The following LAMA2 variants were observed in gnomAD, a reference collection of about 807,000 sequenced individuals.
LAMA2 encodes the protein laminin subunit alpha 2.
Under a neutral mutation model 364.8 loss-of-function variants are expected in LAMA2, and 269 were observed. That is an observed-to-expected ratio of 0.74 (90% confidence interval 0.67 to 0.82). The LOEUF is 0.82. Among genes scored for constraint, LAMA2 ranks in the 40% least tolerant of loss-of-function variants. LAMA2 has a pLI of 0.00. For missense variants in LAMA2, 3,807 were observed against 3,873.2 expected (o/e 0.98, Z 0.45); for synonymous variants, 1,379 against 1,370.6 (o/e 1.01, Z -0.14).
chr6:129,223,161 A>C (rs1013749857), intron 12 of LAMA2, among the ~76,000 whole-genome samples: 1 of 152,066 alleles, frequency 6.6e-6, no homozygotes, highest in Middle Eastern at 3.4e-3. Context: ...GTGTCTGTTC[A>C]TATCCTTTGC....
chr6:129,276,456 C>G (rs1788334275), intron 17 of LAMA2, among the ~76,000 whole-genome samples: 1 of 152,052 alleles, frequency 6.6e-6, no homozygotes, highest in Admixed American at 6.6e-5. Flanking sequence ...TATTCTCACA[C>G]ATTGACTTAA....
At position 129,319,142 on chromosome 6, in the gene LAMA2, T is replaced by C. The variant is rs1371643578; in HGVS notation, c.4059-1396T>C. Among the ~76,000 whole-genome samples, 4 of 152,186 alleles carry C rather than the reference T, an allele frequency of 2.6e-5. No individual in the cohort carries two copies. The East Asian group carries it at 7.7e-4, about 29-fold the overall frequency. On this transcript the variant is annotated intron_variant, in intron 27 of 64. Coordinates refer to ENST00000421865, the MANE Select transcript of LAMA2 (RefSeq NM_000426.4). ...CATTATCCTCAGAAAGAAATCAATA[T>C]TATTAGATTATGCGTGATCATTATT...
intron 4 of LAMA2, among the ~76,000 whole-genome samples, chr6:129,121,451 A>C (rs1776801978): frequency 6.6e-6 from 1 of 152,268 alleles, no homozygotes; most frequent in African/African-American, 2.4e-5. Flanking sequence ...CCCATGGATT[A>C]GCAACTTTGT....
chr6:129,429,737 G>A (rs80104633), intron 41 of LAMA2, among the ~76,000 whole-genome samples: 4 of 152,178 alleles, frequency 2.6e-5, no homozygotes, highest in Admixed American at 2.6e-4. Context: ...GCCCAGGGCT[G>A]GGAATAGGGA....
intron 1 of LAMA2, 92 bp downstream of exon 1, chr6:128,883,449 T>G (rs1307552216): frequency 6.5e-7 from 1 of 1,534,126 alleles, no homozygotes; most frequent in Non-Finnish European, 8.8e-7. Context: ...GTCTGTGGAC[T>G]GCCGTCTTGC....
intron 14 of LAMA2, among the ~76,000 whole-genome samples, chr6:129,255,272 G>A (rs1203269076): frequency 2.0e-5 from 3 of 151,752 alleles, no homozygotes; most frequent in Admixed American, 2.0e-4. Flanking sequence ...CAGACATGGT[G>A]GCACGTGTCA....
intron 1 of LAMA2, among the ~76,000 whole-genome samples, chr6:128,954,556 G>A (rs1781026973): frequency 6.6e-6 from 1 of 151,916 alleles, no homozygotes; most frequent in Non-Finnish European, 1.5e-5. Context: ...CATGGCAGTT[G>A]TTTTTATGTG....
chr6:129,119,555 T>G (rs1366466841), intron 4 of LAMA2, among the ~76,000 whole-genome samples: 1 of 151,886 alleles, frequency 6.6e-6, no homozygotes, highest in African/African-American at 2.4e-5. Context: ...ATTAATTATT[T>G]ATTTATTTTT....
intron 22 of LAMA2, 60 bp from the exon 23 acceptor site, chr6:129,312,801 A>C (rs1774310164): frequency 8.5e-7 from 1 of 1,175,528 alleles, no homozygotes; most frequent in South Asian, 1.2e-5. Context: ...TTAGAATTAA[A>C]ATTTTAAGAT....
At chr6:128,914,395 C>T (rs1441700367) in intron 1 of LAMA2, among the ~76,000 whole-genome samples, 19 of 152,144 alleles carry the variant, frequency 1.2e-4, no homozygotes. Context: ...AATCAGCGAA[C>T]AAAATGTAAA....
At chr6:128,891,456 GC>G (rs1455019823) in intron 1 of LAMA2, among the ~76,000 whole-genome samples, 3 of 152,150 alleles carry the variant, frequency 2.0e-5, no homozygotes, top group Admixed American at 2.0e-4. Flanking sequence ...ATTGGATGAG[GC>G]TGAAAGTTTG....
chr6:129,164,495 C>G (rs1779624137), intron 8 of LAMA2, among the ~76,000 whole-genome samples: 1 of 152,156 alleles, frequency 6.6e-6, no homozygotes, highest in Admixed American at 6.5e-5. Context: ...ACACTGGTTT[C>G]TGTTATGTTC....
chr6:128,918,283 TG>T (rs1420234640), intron 1 of LAMA2, among the ~76,000 whole-genome samples: 1 of 152,194 alleles, frequency 6.6e-6, no homozygotes, highest in Admixed American at 6.5e-5. Flanking sequence ...ACTTCTGAAA[TG>T]GATTTTTAGA....
chr6:129,510,441 TA>T (rs750286105), intron 62 of LAMA2, among the ~76,000 whole-genome samples: 5 of 152,148 alleles, frequency 3.3e-5, no homozygotes, highest in Non-Finnish European at 5.9e-5. Context: ...TAATAATTTT[TA>T]AAATCTGCAA....
rs143952524 is a variant in LAMA2, at chr6:129,482,704, A to G, written c.7749+1265A>G. Reference sequence around the variant, plus strand: ...ACAAAATATTCACAAAGAGAACCCAAAGATGTATAACCACGAGTAACTTGG... The same window carrying G: ...ACAAAATATTCACAAAGAGAACCCAGAGATGTATAACCACGAGTAACTTGG... On this transcript the variant is annotated intron_variant, in intron 55 of 64. Transcript: ENST00000421865. Among the ~76,000 whole-genome samples the G allele has an allele frequency of 1.4e-3, 215 of 152,340 alleles. 1 individual carries two copies. The highest frequency in any genetic ancestry group is 5.0e-3 in the African/African-American group (207 of 41,578).
Position 129,507,611 on chromosome 6 carries a change from A to C in LAMA2, c.8826A>C (p.Thr2942=), listed in dbSNP as rs915449092. 1.9e-6 allele frequency: 3 copies of C among 1,614,100 alleles called. No homozygotes were observed. Among genetic ancestry groups the C allele is most frequent in the Non-Finnish European group, 2.5e-6 (3 of 1,180,024 alleles). ...GTTTTGCAAATGCTCAGAGGGGAAC[A>C]TATTTTGACGGAACCGGTTTTGCCA... ...GTCFANAQRG[T]YFDGTGFAKA... is the part of the protein sequence containing the mutation. The change falls in exon 62 of 65, where the codon ACA becomes ACC. Residue 2942 remains threonine (T), a synonymous_variant. Coordinates refer to ENST00000421865, the MANE Select transcript of LAMA2 (RefSeq NM_000426.4).
intron 1 of LAMA2, among the ~76,000 whole-genome samples, chr6:129,028,646 GT>G (rs1786005204): frequency 6.6e-6 from 1 of 151,716 alleles, no homozygotes; most frequent in African/African-American, 2.4e-5. Context: ...ACAAGTTAAT[GT>G]TTACAGTTTT....
intron 34 of LAMA2, among the ~76,000 whole-genome samples, chr6:129,379,524 T>C (rs900373679): frequency 6.6e-5 from 10 of 152,140 alleles, no homozygotes; most frequent in African/African-American, 2.4e-4. Context: ...TCTTCTGGAA[T>C]AGCCTAGAGA....
intron 32 of LAMA2, among the ~76,000 whole-genome samples, chr6:129,357,474 ATTAT>A (rs1468700237): frequency 2.6e-5 from 4 of 152,034 alleles, no homozygotes; most frequent in Non-Finnish European, 4.4e-5. Context: ...ATCAGCTTTT[ATTAT>A]TTATAGTCAC....
Sources: allele counts gnomAD v4.1 joint callset (sites outside exome capture counted in the v4.1 genomes callset), GRCh38; gene constraint gnomAD v4.1.1; transcripts MANE v1.5; gene names NCBI Gene and HGNC (gene_info 2026-07-23, HGNC 2026-07-21).